Variants in GRM8 observed in about 807,000 individuals in gnomAD.
GRM8 encodes glutamate metabotropic receptor 8, also known as metabotropic glutamate receptor 8.
In GRM8, 47 loss-of-function variants were observed where a neutral mutation model predicts 87.2. The ratio of observed to expected loss-of-function variants is 0.54; its 90% CI spans 0.43 to 0.69. The LOEUF is 0.69. Among genes scored for constraint, GRM8 ranks in the 30% least tolerant of loss-of-function variants. The probability of loss-of-function intolerance (pLI) is 0.00; values close to 1 mark genes in which losing one functional copy is unlikely to be tolerated. For missense variants in GRM8, 1,019 were observed against 1,139.2 expected, an observed-to-expected ratio of 0.89 and a Z score of 1.52; for synonymous variants, 396 against 404.5, an observed-to-expected ratio of 0.98 and a Z score of 0.25.
At chr7:127,087,020 G>A (rs752017779) in intron 3 of GRM8, among the ~76,000 whole-genome samples, 12 of 152,216 alleles carry the variant, frequency 7.9e-5, no homozygotes, top group Non-Finnish European at 1.5e-4. Flanking sequence ...AAATAAGGGT[G>A]GAAAGGAGAG....
At chr7:126,614,811 A>G (rs1196652864) in intron 7 of GRM8, among the ~76,000 whole-genome samples, 1 of 152,226 alleles carries the variant, frequency 6.6e-6, no homozygotes, top group Non-Finnish European at 1.5e-5. Context: ...AAGCGAGAAC[A>G]GAAGTTTAGA....
At chr7:127,113,299 G>A (rs557024246) in intron 2 of GRM8, among the ~76,000 whole-genome samples, 43 of 152,202 alleles carry the variant, frequency 2.8e-4, no homozygotes, top group African/African-American at 9.6e-4. Flanking sequence ...AGACACCCCT[G>A]ACAAGGCTAG....
chr7:126,963,168 G>T (rs1355284706), intron 3 of GRM8, among the ~76,000 whole-genome samples: 2 of 152,012 alleles, frequency 1.3e-5, no homozygotes, highest in South Asian at 4.1e-4. Flanking sequence ...CAAAAATAAG[G>T]CTCTCTATAT....
At chr7:126,930,091 A>G (rs954155818) in intron 3 of GRM8, among the ~76,000 whole-genome samples, 1 of 152,182 alleles carries the variant, frequency 6.6e-6, no homozygotes, top group African/African-American at 2.4e-5. Flanking sequence ...CACCAATTAG[A>G]ATGTGATTCT....
intron 7 of GRM8, among the ~76,000 whole-genome samples, chr7:126,744,544 G>T (rs772388502): frequency 4.6e-4 from 70 of 151,978 alleles, no homozygotes; most frequent in Non-Finnish European, 7.5e-4. Flanking sequence ...ACATAACTCA[G>T]TGAACCAATA....
At chr7:126,488,518 A>G (rs1807623020) in intron 9 of GRM8, among the ~76,000 whole-genome samples, 1 of 152,022 alleles carries the variant, frequency 6.6e-6, no homozygotes. Flanking sequence ...AACCTTGAGT[A>G]AAACAGATTT....
chr7:126,474,016 T>C (rs1390095321), intron 9 of GRM8, among the ~76,000 whole-genome samples: 1 of 152,158 alleles, frequency 6.6e-6, no homozygotes, highest in Admixed American at 6.6e-5. Flanking sequence ...TATTTCTTCA[T>C]AGCACTATGA....
At chr7:127,147,551 T>C (rs1828620524) in intron 2 of GRM8, among the ~76,000 whole-genome samples, 1 of 152,086 alleles carries the variant, frequency 6.6e-6, no homozygotes, top group South Asian at 2.1e-4. Flanking sequence ...CAGCTGTCCC[T>C]AAGGCTTAAT....
At chr7:126,563,674 T>A (rs578245400) in intron 8 of GRM8, among the ~76,000 whole-genome samples, 16 of 152,276 alleles carry the variant, frequency 1.1e-4, no homozygotes, top group African/African-American at 3.6e-4. Context: ...TGGCTTTGGC[T>A]CTTTCCCTCA....
At chr7:126,727,015 A>G (rs531929134) in intron 7 of GRM8, among the ~76,000 whole-genome samples, 3 of 152,210 alleles carry the variant, frequency 2.0e-5, no homozygotes, top group South Asian at 2.1e-4. Flanking sequence ...ATAGTTCTCA[A>G]TTAGCTATGT....
chr7:126,650,163 T>A (rs548535112), intron 7 of GRM8, among the ~76,000 whole-genome samples: 1 of 152,262 alleles, frequency 6.6e-6, no homozygotes, highest in East Asian at 1.9e-4. Flanking sequence ...ACAAAGTGGG[T>A]CATGTCCACA....
intron 2 of GRM8, among the ~76,000 whole-genome samples, chr7:127,170,636 C>T (rs942816041): frequency 7.9e-5 from 12 of 152,296 alleles, no homozygotes; most frequent in Admixed American, 5.2e-4. Context: ...TACACACACA[C>T]ATACCATGGA....
At chr7:126,829,767 C>T (rs1038554592) in intron 6 of GRM8, among the ~76,000 whole-genome samples, 2 of 151,232 alleles carry the variant, frequency 1.3e-5, no homozygotes, top group Non-Finnish European at 2.9e-5. Flanking sequence ...GGTTATTTTG[C>T]TCATTAGTTG....
chr7:126,667,873 C>T (rs1458717766), intron 7 of GRM8, among the ~76,000 whole-genome samples: 1 of 152,218 alleles, frequency 6.6e-6, no homozygotes, highest in Non-Finnish European at 1.5e-5. Flanking sequence ...TGGCAGAGGA[C>T]AGGATGCAAG....
chr7:127,193,306 C>A (rs948181925), intron 2 of GRM8, among the ~76,000 whole-genome samples: 2 of 152,184 alleles, frequency 1.3e-5, no homozygotes, highest in Non-Finnish European at 1.5e-5. Context: ...AAAGCCATAA[C>A]CTCCATCAAT....
At position 126,849,349 on chromosome 7, in the gene GRM8, G is replaced by A. The variant is rs1796994502; in HGVS notation, c.1156+53193C>T. ...GCATGGGATTGAATGATGTCTCAAA[G>A]GAGGGAATTTTAAAAGGGAAAAAAG... On this transcript the variant is annotated intron_variant, in intron 6 of 10. Transcript: ENST00000339582. Among the ~76,000 whole-genome samples, 5 of 152,204 alleles carry A rather than the reference G, an allele frequency of 3.3e-5. No individual in the cohort carries two copies. In the South Asian group the frequency reaches 1.0e-3, roughly 31 times the overall value.
chr7:126,696,526 C>T (rs1809393659), intron 7 of GRM8, among the ~76,000 whole-genome samples: 1 of 152,106 alleles, frequency 6.6e-6, no homozygotes, highest in Non-Finnish European at 1.5e-5. Context: ...GATAATGACG[C>T]AGTGGTAACA....
intron 2 of GRM8, among the ~76,000 whole-genome samples, chr7:127,123,504 C>A (rs1827197336): frequency 6.6e-6 from 1 of 152,148 alleles, no homozygotes; most frequent in African/African-American, 2.4e-5. Flanking sequence ...CACACTCTAG[C>A]TCCCTTTCTG....
intron 6 of GRM8, among the ~76,000 whole-genome samples, chr7:126,838,796 G>A (rs993096072): frequency 3.3e-5 from 5 of 151,982 alleles, no homozygotes; most frequent in Admixed American, 1.3e-4. Context: ...GTTAACTCAC[G>A]GCTCACATCA....
Sources: gnomAD v4.1 joint callset for allele counts (sites outside exome capture counted in the v4.1 genomes callset) on GRCh38, gnomAD v4.1.1 for gene constraint, MANE v1.5 for transcripts, NCBI Gene and HGNC (gene_info 2026-07-23, HGNC 2026-07-21) for gene names.